EVI5: variants seen among roughly 807,000 people sequenced by gnomAD.
EVI5 encodes ecotropic viral integration site 5 protein homolog.
A neutral mutation model predicts 112.0 loss-of-function variants in EVI5; 73 were observed. The observed-to-expected ratio is 0.65, with a 90% confidence interval of 0.54 to 0.79. The LOEUF is 0.79. Ranked by LOEUF, EVI5 falls within the 30% of genes least tolerant of loss-of-function variation. The probability of loss-of-function intolerance (pLI) is 0.00; values close to 1 mark genes in which losing one functional copy is unlikely to be tolerated. For missense variants in EVI5, 900 were observed against 968.8 expected (o/e 0.93, Z 0.94); for synonymous variants, 305 against 319.9 (o/e 0.95, Z 0.50).
At chr1:92,653,915 G>A (rs149157519) in intron 13 of EVI5, among the ~76,000 whole-genome samples, 1 of 152,294 alleles carries the variant, frequency 6.6e-6, no homozygotes, top group African/African-American at 2.4e-5. Context: ...ACAGGGGCAT[G>A]ACAGGGAGAG....
At chr1:92,545,552 C>T (rs1431432722) in intron 19 of EVI5, among the ~76,000 whole-genome samples, 1 of 152,014 alleles carries the variant, frequency 6.6e-6, no homozygotes. Context: ...TCGTGGATAA[C>T]AGTATTCAGA....
chr1:92,783,500 A>AG lies in EVI5; in HGVS notation c.-82+1335_-82+1336insC, dbSNP rs1558257841. On this transcript the variant is annotated intron_variant, in intron 1 of 19. Transcript: ENST00000684568. ...CTCAGCCTTAAAAAAAAAAAAAAAA[A>AG]AAAAAAAGAAAAGAAAAGAAAAGAA... 6.1e-4 allele frequency among the ~76,000 whole-genome samples: 67 copies of AG among 108,948 alleles called. 1 individual carries two copies. Among genetic ancestry groups the AG allele is most frequent in the Admixed American group, 1.9e-3 (20 of 10,274 alleles). 71.5% of individuals were successfully genotyped at this position (108,948 alleles called of 152,430 possible).
At chr1:92,775,584 T>TATA (rs1258611216) in intron 1 of EVI5, among the ~76,000 whole-genome samples, 1 of 152,194 alleles carries the variant, frequency 6.6e-6, no homozygotes, top group African/African-American at 2.4e-5. Context: ...AGCAAAAGGC[T>TATA]ATACCATATA....
chr1:92,660,606 G>C (rs935010025), intron 13 of EVI5, among the ~76,000 whole-genome samples: 27 of 151,920 alleles, frequency 1.8e-4, no homozygotes, highest in Admixed American at 5.2e-4. Flanking sequence ...AGGAATGTTC[G>C]AGGCAATCAA....
At chr1:92,658,612 C>T (rs561241155) in intron 13 of EVI5, among the ~76,000 whole-genome samples, 1 of 152,252 alleles carries the variant, frequency 6.6e-6, no homozygotes. Flanking sequence ...ACATTCCATG[C>T]TCATGGATTG....
At chr1:92,584,184 C>T (rs1672413426) in intron 18 of EVI5, among the ~76,000 whole-genome samples, 1 of 148,254 alleles carries the variant, frequency 6.7e-6, no homozygotes, top group Non-Finnish European at 1.5e-5. Context: ...TATTCAAGTG[C>T]TCTCTCTTTC....
chr1:92,732,898 CAAAAAAAAA>C, intron 2 of EVI5, among the ~76,000 whole-genome samples: 1 of 89,080 alleles, frequency 1.1e-5, no homozygotes, highest in East Asian at 3.4e-4. Flanking sequence ...GACTCCATCT[CAAAAAAAAA>C]AAAAAAAAAA....
At chr1:92,635,533 C>T (rs1658607776) in intron 14 of EVI5, among the ~76,000 whole-genome samples, 1 of 152,168 alleles carries the variant, frequency 6.6e-6, no homozygotes, top group East Asian at 1.9e-4. Context: ...CGGAAAAGCG[C>T]AGTATTAGGG....
At chr1:92,530,730 A>G (rs1280014645) in intron 19 of EVI5, among the ~76,000 whole-genome samples, 1 of 151,956 alleles carries the variant, frequency 6.6e-6, no homozygotes, top group Non-Finnish European at 1.5e-5. Flanking sequence ...GCAGAAAGGC[A>G]TAGTATCAAC....
chr1:92,715,678 A>C (rs1673529213), intron 2 of EVI5, among the ~76,000 whole-genome samples: 1 of 152,218 alleles, frequency 6.6e-6, no homozygotes, highest in Middle Eastern at 3.2e-3. Context: ...CAGTAAGCAC[A>C]AGGCTTCGGG....
intron 9 of EVI5, among the ~76,000 whole-genome samples, chr1:92,682,416 A>G (rs1415219305): frequency 2.0e-5 from 3 of 152,098 alleles, no homozygotes; most frequent in Non-Finnish European, 2.9e-5. Context: ...AGTAAGTTCC[A>G]TATCAGCAGG....
chr1:92,661,022 C>T (rs1210391157), intron 13 of EVI5, among the ~76,000 whole-genome samples: 1 of 151,890 alleles, frequency 6.6e-6, no homozygotes, highest in East Asian at 1.9e-4. Flanking sequence ...GGAAAAAACA[C>T]ACACACACAC....
At chr1:92,651,391 C>T (rs1411913623) in intron 13 of EVI5, among the ~76,000 whole-genome samples, 2 of 152,120 alleles carry the variant, frequency 1.3e-5, no homozygotes, top group African/African-American at 4.8e-5. Flanking sequence ...TAAACAAAAT[C>T]TCGGTCAAAA....
rs369512923 is a variant in EVI5 at position 92,514,698 on chromosome 1, A to G, written c.2167-728T>C. On this transcript the variant is annotated intron_variant, in intron 19 of 19. Transcript: ENST00000684568. ...CACCCATCATGGACAATCTTTTTAC[A>G]TTACACACCTCTTGTTCCTGGATAA... 4.6e-5 allele frequency among the ~76,000 whole-genome samples: 7 copies of G among 152,268 alleles called. 1 individual carries two copies. The South Asian group carries it at 1.5e-3, about 32-fold the overall frequency.
rs1217880498 is a variant in EVI5 at position 92,664,219 on chromosome 1, CA to C, written c.1213-768del. Among the ~76,000 whole-genome samples the C allele has an allele frequency of 2.0e-5, 3 of 151,994 alleles. No individual in the cohort carries two copies. In the South Asian group the frequency reaches 6.2e-4, roughly 31 times the overall value. On this transcript the variant is annotated intron_variant, in intron 11 of 19. Coordinates refer to ENST00000684568, the MANE Select transcript of EVI5 (RefSeq NM_001350197.2). Reference sequence around the variant, plus strand: ...AAGAAACAAAGCAAGGAAAATATGACAAATAAAATTAATGAGCTAAACTTAA... The same window carrying C: ...AAGAAACAAAGCAAGGAAAATATGACAATAAAATTAATGAGCTAAACTTAA...
At chr1:92,645,755 C>T (rs1275898441) in intron 13 of EVI5, among the ~76,000 whole-genome samples, 1 of 152,140 alleles carries the variant, frequency 6.6e-6, no homozygotes, top group Non-Finnish European at 1.5e-5. Context: ...AAGCTGCTCT[C>T]CCATTAATCT....
chr1:92,735,817 AT>A lies in EVI5; in HGVS notation c.149+580del, dbSNP rs939283791. On this transcript the variant is annotated intron_variant, in intron 2 of 19. Coordinates refer to ENST00000684568, the MANE Select transcript of EVI5 (RefSeq NM_001350197.2). ...ATATTATATATTTTGTATATTATAT[AT>A]TATTATAATATAATCTATTATAATA... 2.2e-3 allele frequency among the ~76,000 whole-genome samples: 309 copies of A among 139,094 alleles called. 3 individuals carry two copies. The highest frequency in any genetic ancestry group is 7.8e-3 in the African/African-American group (271 of 34,948). 91.3% of individuals were successfully genotyped at this position (139,094 alleles called of 152,430 possible). A position where few individuals can be genotyped will look rare whatever the true frequency, so the allele number is the denominator to read the frequency against.
intron 2 of EVI5, among the ~76,000 whole-genome samples, chr1:92,712,101 C>A (rs1209652383): frequency 3.3e-5 from 5 of 152,150 alleles, no homozygotes; most frequent in Admixed American, 2.0e-4. Flanking sequence ...TAGCTTTCAA[C>A]GCATGAATTT....
chr1:92,789,988 G>C (rs1220230033), upstream of EVI5, among the ~76,000 whole-genome samples: 3 of 152,102 alleles, frequency 2.0e-5, no homozygotes, highest in African/African-American at 2.4e-5. Context: ...AACCACTAGA[G>C]ATACTAGCAA....
Sources: allele counts gnomAD v4.1 joint callset (sites outside exome capture counted in the v4.1 genomes callset), GRCh38; gene constraint gnomAD v4.1.1; transcripts MANE v1.5; gene names NCBI Gene and HGNC (gene_info 2026-07-23, HGNC 2026-07-21).